PIWIL2: variants seen among roughly 807,000 people sequenced by gnomAD.
PIWIL2 encodes the protein piwi like RNA-mediated gene silencing 2.
In PIWIL2, 81 loss-of-function variants were observed where a neutral mutation model predicts 116.5. The ratio of observed to expected loss-of-function variants is 0.70; its 90% CI spans 0.58 to 0.84. The LOEUF (loss-of-function observed/expected upper bound fraction) is 0.84, where lower values mean the gene tolerates loss of function less well. Among genes scored for constraint, PIWIL2 ranks in the 40% least tolerant of loss-of-function variants. The pLI is 0.00. For synonymous variants in PIWIL2, 489 were observed against 429.5 expected, an observed-to-expected ratio of 1.14 and a Z score of -1.71; for missense variants, 1,272 against 1,212.3, an observed-to-expected ratio of 1.05 and a Z score of -0.73.
At chr8:22,339,366 G>T (rs959717200) in intron 20 of PIWIL2, among the ~76,000 whole-genome samples, 2 of 151,938 alleles carry the variant, frequency 1.3e-5, no homozygotes, top group African/African-American at 4.8e-5. Flanking sequence ...AAATTAGCTG[G>T]GCGTGGTGGC....
At chr8:22,354,525 T>C (rs1832447520) in intron 22 of PIWIL2, 147 bp downstream of exon 22, 1 of 523,528 alleles carries the variant, frequency 1.9e-6, no homozygotes, top group Admixed American at 3.3e-5. Flanking sequence ...TGAGGAGAGA[T>C]TGGAAATCCT....
At chr8:22,288,298 C>CAAAAAA (rs5890028) in intron 7 of PIWIL2, among the ~76,000 whole-genome samples, 1 of 102,226 alleles carries the variant, frequency 9.8e-6, no homozygotes. Context: ...ACTCTGTCTC[C>CAAAAAA]AAAAAAAAAA....
At chr8:22,344,236 G>C (rs1431160614) in intron 20 of PIWIL2, among the ~76,000 whole-genome samples, 2 of 152,160 alleles carry the variant, frequency 1.3e-5, no homozygotes, top group Non-Finnish European at 2.9e-5. Context: ...GAAAGGAATA[G>C]GTGGCACACA....
At position 22,288,666 on chromosome 8, in the gene PIWIL2, G is replaced by A. The variant is rs775754978; in HGVS notation, c.986G>A (p.Arg329Gln). The A allele has an allele frequency of 3.1e-6, 5 of 1,605,812 alleles. No individual in the cohort carries two copies. The highest frequency in any genetic ancestry group is 1.7e-4 in the Middle Eastern group (1 of 6,036). ...CCCTTCTACAATGTTGTTTTCCGTC[G>A]GTAAGAAAACAGCTGAAGTTCTATT... Reference protein sequence around the residue: ...CIPFYNVVFRRVMKLLDMKLV... With the variant: ...CIPFYNVVFRQVMKLLDMKLV... The change falls in exon 8 of 23, where the codon CGG becomes CAG. Residue 329 changes from arginine to glutamine, a missense_variant and splice_region_variant. Physicochemically the swap from Arg to Gln is conservative, Grantham distance 43 (BLOSUM62 1). Coordinates refer to ENST00000356766, the MANE Select transcript of PIWIL2 (RefSeq NM_018068.5).
chr8:22,323,979 G>T (rs1191665068), intron 20 of PIWIL2, among the ~76,000 whole-genome samples: 1 of 151,966 alleles, frequency 6.6e-6, no homozygotes, highest in Non-Finnish European at 1.5e-5. Context: ...ATTGGATTTT[G>T]GGCTGGGCTT....
At chr8:22,302,420 C>T (rs890085528) in intron 10 of PIWIL2, among the ~76,000 whole-genome samples, 21 of 152,094 alleles carry the variant, frequency 1.4e-4, no homozygotes, top group Non-Finnish European at 2.9e-5. Flanking sequence ...ACATCATGAT[C>T]CGCCCACCTC....
At chr8:22,342,440 G>C (rs1050671220) in intron 20 of PIWIL2, among the ~76,000 whole-genome samples, 1 of 152,166 alleles carries the variant, frequency 6.6e-6, no homozygotes, top group African/African-American at 2.4e-5. Flanking sequence ...GGATAGATAA[G>C]TGGAACAGAA....
chr8:22,290,106 A>T (rs1830725342), intron 9 of PIWIL2, 127 bp from the exon 10 acceptor site: 1 of 705,342 alleles, frequency 1.4e-6, no homozygotes, highest in South Asian at 1.9e-5. Flanking sequence ...CAATTAACTT[A>T]GTTTCTTGAG....
intron 10 of PIWIL2, among the ~76,000 whole-genome samples, chr8:22,291,356 T>G (rs1280506804): frequency 4.6e-5 from 7 of 151,860 alleles, no homozygotes; most frequent in African/African-American, 7.3e-5. Context: ...TCACCATGTT[T>G]CCCAGGCTCG....
At chr8:22,292,504 G>C (rs1830788911) in intron 10 of PIWIL2, among the ~76,000 whole-genome samples, 1 of 152,240 alleles carries the variant, frequency 6.6e-6, no homozygotes, top group African/African-American at 2.4e-5. Context: ...AAGATGCCTT[G>C]AACTTTTTTA....
At position 22,322,691 on chromosome 8, in the gene PIWIL2, C is replaced by T. The variant is rs140526690; in HGVS notation, c.2403+4416C>T. The stretch of plus-strand genomic sequence containing the variant: ...TTGTCCTGTCCTTTACAGGCACATG[C>T]CACCACACCCAGCTCAGTTTTGTAT... On this transcript the variant is annotated intron_variant, in intron 20 of 22. Transcript: ENST00000356766. 5.9e-3 allele frequency among the ~76,000 whole-genome samples: 900 copies of T among 152,278 alleles called. 11 individuals carry two copies. The highest frequency in any genetic ancestry group is 0.021 in the African/African-American group (860 of 41,544).
intron 2 of PIWIL2, among the ~76,000 whole-genome samples, chr8:22,280,786 T>C (rs1031520117): frequency 6.6e-6 from 1 of 152,126 alleles, no homozygotes; most frequent in African/African-American, 2.4e-5. Context: ...TGTTGCATTT[T>C]GTTATACTGT....
chr8:22,352,880 A>G (rs1832404121), intron 20 of PIWIL2, 79 bp from the exon 21 acceptor site: 22 of 1,404,868 alleles, frequency 1.6e-5, no homozygotes, highest in Non-Finnish European at 2.0e-5. Flanking sequence ...CAGGCTACAC[A>G]ATGCGAGTGG....
chr8:22,331,575 T>C (rs1467875465), intron 20 of PIWIL2, among the ~76,000 whole-genome samples: 1 of 152,120 alleles, frequency 6.6e-6, no homozygotes, highest in African/African-American at 2.4e-5. Context: ...TGAAAAAAAT[T>C]GGAATTTTTA....
intron 20 of PIWIL2, among the ~76,000 whole-genome samples, chr8:22,326,349 C>G (rs188252691): frequency 6.6e-6 from 1 of 152,166 alleles, no homozygotes; most frequent in Non-Finnish European, 1.5e-5. Flanking sequence ...GGTGAAACCC[C>G]CATCTCTATA....
chr8:22,304,061 G>A lies in PIWIL2; in HGVS notation c.1222G>A (p.Glu408Lys), dbSNP rs2132030000. ...GCAGAATAAAGAACACTTCCAGGATGAGTGTACTAAGCTTCTGGTTGGCAA... is the reference window on the plus strand; with the variant it reads ...GCAGAATAAAGAACACTTCCAGGATAAGTGTACTAAGCTTCTGGTTGGCAA... ...YQQNKEHFQD[E>K]CTKLLVGNIV... Residue 408 changes from glutamate to lysine, a missense_variant, in exon 11 of 23, where the codon GAG becomes AAG. Transcript: ENST00000356766. The A allele has an allele frequency of 6.2e-7, 1 of 1,613,428 alleles. No individual in the cohort carries two copies. The highest frequency in any genetic ancestry group is 2.2e-5 in the East Asian group (1 of 44,884).
chr8:22,315,144 T>C lies in PIWIL2; in HGVS notation c.2207T>C (p.Leu736Pro). The C allele has an allele frequency of 1.4e-6, 2 of 1,469,904 alleles. No individual in the cohort carries two copies. Among genetic ancestry groups the C allele is most frequent in the East Asian group, 4.5e-5 (2 of 44,228 alleles). The allele number at this position is 1,469,904 out of a possible 1,614,324, so 91.1% of individuals were successfully genotyped here. ...GGELWGVDIP[L>P]KQLMVIGMDV... ...GAGCTCTGGGGAGTGGATATTCCTC[T>C]GGTGAGTGATGCCGAGATGGTTCAG... The change falls in exon 18 of 23, where the codon CTG becomes CCG. Residue 736 changes from leucine to proline, a missense_variant and splice_region_variant. Physicochemically the swap from Leu to Pro is moderately conservative, Grantham distance 98. Coordinates refer to ENST00000356766, the MANE Select transcript of PIWIL2 (RefSeq NM_018068.5).
At chr8:22,335,028 C>G (rs1011611484) in intron 20 of PIWIL2, among the ~76,000 whole-genome samples, 23 of 147,180 alleles carry the variant, frequency 1.6e-4, no homozygotes, top group Non-Finnish European at 3.3e-4. Context: ...GCACTCTAGC[C>G]TGGGTGACAG....
At chr8:22,307,907 G>A (rs766294690) in intron 13 of PIWIL2, 26 bp from the exon 14 acceptor site, 3 of 1,557,162 alleles carry the variant, frequency 1.9e-6, no homozygotes, top group Non-Finnish European at 2.6e-6. Flanking sequence ...ATCTTTATAA[G>A]TTATCTTTAT....
Sources: gnomAD v4.1 joint callset for allele counts (sites outside exome capture counted in the v4.1 genomes callset) on GRCh38, gnomAD v4.1.1 for gene constraint, MANE v1.5 for transcripts, NCBI Gene and HGNC (gene_info 2026-07-23, HGNC 2026-07-21) for gene names.